The following PPM1L variants were observed in gnomAD, a reference collection of about 807,000 sequenced individuals.
PPM1L encodes the protein protein phosphatase, Mg2+/Mn2+ dependent 1L.
PPM1L carries 13 observed loss-of-function variants against 31.4 expected under a neutral mutation model. The observed-to-expected ratio is 0.41, with a 90% CI of 0.27 to 0.66. PPM1L has a LOEUF of 0.66. Ranked by LOEUF, PPM1L falls within the 30% of genes least tolerant of loss-of-function variation. PPM1L has a pLI of 0.29. For missense variants in PPM1L, 326 were observed against 453.7 expected (o/e 0.72, Z 2.56); for synonymous variants, 184 against 175.4 (o/e 1.05, Z -0.39).
chr3:160,766,833 TAAG>T (rs1715113362), intron 1 of PPM1L, among the ~76,000 whole-genome samples: 1 of 151,336 alleles, frequency 6.6e-6, no homozygotes, highest in Non-Finnish European at 1.5e-5. Flanking sequence ...TTTCTGGAAT[TAAG>T]GAGGGCCTTG....
chr3:160,768,997 G>A (rs769148573), intron 1 of PPM1L, among the ~76,000 whole-genome samples: 11 of 152,032 alleles, frequency 7.2e-5, no homozygotes, highest in Non-Finnish European at 1.2e-4. Context: ...TATCTGTCCC[G>A]TTCTTTTTTA....
intron 1 of PPM1L, among the ~76,000 whole-genome samples, chr3:160,933,828 A>T (rs1373580406): frequency 1.3e-5 from 2 of 152,224 alleles, no homozygotes; most frequent in Admixed American, 6.5e-5. Flanking sequence ...ACATAAAAAA[A>T]GATTTTGATA....
Position 161,014,749 on chromosome 3 carries a change from C to T in PPM1L, c.575-50654C>T, listed in dbSNP as rs540847743. Among the ~76,000 whole-genome samples, 16 of 152,252 alleles carry T rather than the reference C, an allele frequency of 1.1e-4. No individual in the cohort carries two copies. In the South Asian group the frequency reaches 2.7e-3, roughly 26 times the overall value. On this transcript the variant is annotated intron_variant, in intron 2 of 3. Transcript: ENST00000498165. ...CCTCCCAAAGTGATGGGATTATAGG[C>T]GTGAGCCACTGCTCCTGGCCAGGAT... is the stretch of plus-strand genomic sequence containing the variant.
At chr3:160,771,509 T>G (rs1237930038) in intron 1 of PPM1L, among the ~76,000 whole-genome samples, 4 of 145,320 alleles carry the variant, frequency 2.8e-5, no homozygotes, top group Admixed American at 7.0e-5. Flanking sequence ...TCTCAAAGTG[T>G]GGGGATTATA....
At chr3:160,834,897 G>T (rs534463855) in intron 1 of PPM1L, among the ~76,000 whole-genome samples, 1 of 152,190 alleles carries the variant, frequency 6.6e-6, no homozygotes, top group African/African-American at 2.4e-5. Context: ...GAACATTGAT[G>T]TGCAGGTTTA....
At chr3:161,011,077 G>C (rs9815388) in intron 2 of PPM1L, among the ~76,000 whole-genome samples, 1 of 151,928 alleles carries the variant, frequency 6.6e-6, no homozygotes, top group Non-Finnish European at 1.5e-5. Context: ...TGTTTCAGAC[G>C]TGAAGTCCTT....
rs185488147 is a variant in PPM1L, at chr3:160,819,397, A to G, written c.399+62690A>G. ...ATTCCAGCATTGTTGAAGGCAAGGTATTTTCGCCTTTCCAAAACTCATTTT... is the reference window on the plus strand; with the variant it reads ...ATTCCAGCATTGTTGAAGGCAAGGTGTTTTCGCCTTTCCAAAACTCATTTT... On this transcript the variant is annotated intron_variant, in intron 1 of 3. Coordinates refer to ENST00000498165, the MANE Select transcript of PPM1L (RefSeq NM_139245.4). Among the ~76,000 whole-genome samples the G allele has an allele frequency of 9.0e-4, 137 of 152,040 alleles. 1 individual carries two copies. Among genetic ancestry groups the G allele is most frequent in the African/African-American group, 3.0e-3 (125 of 41,516 alleles).
intron 1 of PPM1L, among the ~76,000 whole-genome samples, chr3:160,853,966 A>G (rs985449748): frequency 2.6e-5 from 4 of 152,160 alleles, no homozygotes; most frequent in African/African-American, 4.8e-5. Flanking sequence ...ACAAGTAGGT[A>G]CTTATATTCT....
chr3:161,003,453 G>C (rs1291542888), intron 2 of PPM1L, among the ~76,000 whole-genome samples: 4 of 151,584 alleles, frequency 2.6e-5, no homozygotes, highest in Non-Finnish European at 5.9e-5. Context: ...TCACGATATT[G>C]ATTCTTCCTA....
chr3:160,986,091 A>G (rs1191828728), intron 2 of PPM1L, among the ~76,000 whole-genome samples: 1 of 152,208 alleles, frequency 6.6e-6, no homozygotes, highest in Non-Finnish European at 1.5e-5. Flanking sequence ...CTGCCTAGCA[A>G]ATAATAAAAC....
At chr3:160,973,634 ACT>A (rs1430833297) in intron 2 of PPM1L, among the ~76,000 whole-genome samples, 1 of 152,080 alleles carries the variant, frequency 6.6e-6, no homozygotes, top group Non-Finnish European at 1.5e-5. Flanking sequence ...TGACTCTCAG[ACT>A]CTGAAGATAT....
intron 2 of PPM1L, among the ~76,000 whole-genome samples, chr3:161,020,060 A>C (rs2108071207): frequency 6.7e-6 from 1 of 150,148 alleles, no homozygotes; most frequent in South Asian, 2.1e-4. Context: ...CAGGAGGTGG[A>C]GGTTGCAGTG....
intron 2 of PPM1L, among the ~76,000 whole-genome samples, chr3:161,006,284 G>A (rs1201804701): frequency 6.6e-6 from 1 of 152,152 alleles, no homozygotes; most frequent in African/African-American, 2.4e-5. Context: ...GTCTATTAAT[G>A]CAAGATATGT....
intron 1 of PPM1L, among the ~76,000 whole-genome samples, chr3:160,895,095 A>G (rs1713289575): frequency 6.6e-6 from 1 of 152,222 alleles, no homozygotes; most frequent in Admixed American, 6.5e-5. Context: ...ACATTACTGT[A>G]GTATAGCCAA....
intron 1 of PPM1L, among the ~76,000 whole-genome samples, chr3:160,947,421 T>C (rs1184973045): frequency 1.3e-5 from 2 of 152,158 alleles, no homozygotes; most frequent in Non-Finnish European, 2.9e-5. Context: ...CCTGTCTGTG[T>C]TAGCTTCTTC....
At chr3:160,959,647 T>C (rs1383768887) in intron 1 of PPM1L, among the ~76,000 whole-genome samples, 1 of 151,936 alleles carries the variant, frequency 6.6e-6, no homozygotes, top group Non-Finnish European at 1.5e-5. Flanking sequence ...CTGGCCAACA[T>C]GGTAAAACCC....
intron 1 of PPM1L, among the ~76,000 whole-genome samples, chr3:160,878,685 G>T (rs1712599947): frequency 6.6e-6 from 1 of 152,208 alleles, no homozygotes; most frequent in African/African-American, 2.4e-5. Context: ...GCCCCTTTCA[G>T]ATTGGCTTGA....
chr3:160,923,795 G>A (rs1012625635), intron 1 of PPM1L, among the ~76,000 whole-genome samples: 3 of 152,190 alleles, frequency 2.0e-5, no homozygotes, highest in South Asian at 2.1e-4. Flanking sequence ...AGTGTTTTCA[G>A]TAGAGCATGT....
chr3:160,929,670 C>T (rs1014050515), intron 1 of PPM1L, among the ~76,000 whole-genome samples: 1 of 152,172 alleles, frequency 6.6e-6, no homozygotes, highest in African/African-American at 2.4e-5. Flanking sequence ...TCCCCATATC[C>T]TGGTTTTCAG....
Sources: gnomAD v4.1 joint callset for allele counts (sites outside exome capture counted in the v4.1 genomes callset) on GRCh38, gnomAD v4.1.1 for gene constraint, MANE v1.5 for transcripts, NCBI Gene and HGNC (gene_info 2026-07-23, HGNC 2026-07-21) for gene names.